RALGPS1: variants seen among roughly 807,000 people sequenced by gnomAD.
RALGPS1 encodes the protein Ral GEF with PH domain and SH3 binding motif 1.
A neutral mutation model predicts 78.8 loss-of-function variants in RALGPS1; 19 were observed. The observed-to-expected ratio is 0.24, with a 90% CI of 0.17 to 0.35. RALGPS1 has a LOEUF of 0.35. Ranked by LOEUF, RALGPS1 falls within the 10% of genes least tolerant of loss-of-function variation. The pLI, the probability that RALGPS1 is intolerant of heterozygous loss-of-function variation, is 1.00. For missense variants in RALGPS1, 454 were observed against 688.3 expected, an observed-to-expected ratio of 0.66 and a Z score of 3.81; for synonymous variants, 228 against 256.3, an observed-to-expected ratio of 0.89 and a Z score of 1.06.
intron 4 of RALGPS1, among the ~76,000 whole-genome samples, chr9:126,982,074 C>T (rs1321158659): frequency 6.6e-6 from 1 of 152,170 alleles, no homozygotes; most frequent in Non-Finnish European, 1.5e-5. Context: ...GTTGACTTCT[C>T]CTAGAATGAG....
In RALGPS1 at chr9:127,086,154, G is replaced by A. The variant is rs118157041; in HGVS notation, c.610+16798G>A. 5.4e-3 allele frequency among the ~76,000 whole-genome samples: 817 copies of A among 152,262 alleles called. 24 individuals carry two copies. The East Asian group carries it at 0.085, about 16-fold the overall frequency. On this transcript the variant is annotated intron_variant, in intron 8 of 18. Transcript: ENST00000259351. ...CACACACGCCTGTTTCTAATCACAT[G>A]GTAGGCTTCAGTGCGTATCAGTGCA...
chr9:126,926,588 G>C (rs990508791), intron 1 of RALGPS1, among the ~76,000 whole-genome samples: 1 of 152,170 alleles, frequency 6.6e-6, no homozygotes, highest in African/African-American at 2.4e-5. Flanking sequence ...AGTTCACAGA[G>C]GGACTTGCAG....
chr9:127,147,686 G>A (rs941464506), intron 8 of RALGPS1, among the ~76,000 whole-genome samples: 22 of 152,200 alleles, frequency 1.4e-4, no homozygotes, highest in African/African-American at 5.1e-4. Flanking sequence ...TCAGATGGTT[G>A]TAGGTGTGCA....
At chr9:126,994,945 A>G (rs1460107068) in intron 4 of RALGPS1, among the ~76,000 whole-genome samples, 2 of 152,206 alleles carry the variant, frequency 1.3e-5, no homozygotes, top group African/African-American at 4.8e-5. Flanking sequence ...TCATAAGTGA[A>G]GGAGAAATAA....
intron 1 of RALGPS1, among the ~76,000 whole-genome samples, chr9:126,920,252 A>C (rs1457385153): frequency 6.6e-6 from 1 of 152,152 alleles, no homozygotes; most frequent in East Asian, 1.9e-4. Context: ...GTCTCTGGTG[A>C]AACCCATTCT....
intron 1 of RALGPS1, among the ~76,000 whole-genome samples, chr9:126,957,365 A>AGCTC (rs3052971): frequency 0.2 from 30,452 of 151,976 alleles, 3,749 homozygotes; most frequent in East Asian, 0.43. Flanking sequence ...GAGCAGTTTG[A>AGCTC]GCTCCATGTC....
chr9:126,940,840 A>G (rs1040846804), intron 1 of RALGPS1, among the ~76,000 whole-genome samples: 6 of 152,222 alleles, frequency 3.9e-5, no homozygotes, highest in Non-Finnish European at 7.3e-5. Flanking sequence ...CGCTGTCTTT[A>G]AATACCCAGC....
intron 11 of RALGPS1, among the ~76,000 whole-genome samples, chr9:127,185,850 G>A (rs113095696): frequency 8.5e-5 from 13 of 152,314 alleles, no homozygotes; most frequent in African/African-American, 2.4e-5. Context: ...AGTTTGTCAC[G>A]TGAAGGAGGG....
At chr9:127,040,170 G>A (rs1564464897) in intron 5 of RALGPS1, among the ~76,000 whole-genome samples, 1 of 152,212 alleles carries the variant, frequency 6.6e-6, no homozygotes, top group East Asian at 1.9e-4. Flanking sequence ...GGAGGCCAAG[G>A]CAGGTGGATC....
intron 1 of RALGPS1, among the ~76,000 whole-genome samples, chr9:126,942,563 T>G (rs1012606744): frequency 1.3e-5 from 2 of 152,236 alleles, no homozygotes; most frequent in Non-Finnish European, 2.9e-5. Context: ...CTGTGTCTTG[T>G]CCTGCAAATC....
chr9:126,989,951 C>T (rs1234088966), intron 4 of RALGPS1: 2 of 1,550,392 alleles, frequency 1.3e-6, no homozygotes, highest in Non-Finnish European at 1.7e-6. Context: ...TCCTCCAGGC[C>T]ACATGACACG....
At chr9:127,138,218 G>C (rs577023072) in intron 8 of RALGPS1, among the ~76,000 whole-genome samples, 5 of 152,336 alleles carry the variant, frequency 3.3e-5, no homozygotes, top group African/African-American at 1.2e-4. Flanking sequence ...GAATCAAAAT[G>C]TTCTCGAATG....
intron 8 of RALGPS1, among the ~76,000 whole-genome samples, chr9:127,165,181 C>T (rs988304186): frequency 1.3e-5 from 2 of 152,222 alleles, no homozygotes; most frequent in Admixed American, 1.3e-4. Context: ...CTTCTCCTGC[C>T]CAACTCTGCC....
intron 4 of RALGPS1, among the ~76,000 whole-genome samples, chr9:127,001,019 A>T (rs1203054627): frequency 1.3e-5 from 2 of 151,746 alleles, no homozygotes; most frequent in African/African-American, 4.8e-5. Flanking sequence ...TCACACCTAT[A>T]ATCCCAACAC....
At chr9:127,046,894 A>G (rs1361867267) in intron 5 of RALGPS1, among the ~76,000 whole-genome samples, 1 of 152,180 alleles carries the variant, frequency 6.6e-6, no homozygotes, top group East Asian at 1.9e-4. Flanking sequence ...GTTAACTGAA[A>G]AAAAGCAAAA....
intron 8 of RALGPS1, among the ~76,000 whole-genome samples, chr9:127,132,390 C>A (rs369498025): frequency 6.6e-6 from 1 of 152,224 alleles, no homozygotes; most frequent in Admixed American, 6.5e-5. Flanking sequence ...GAATTATCTA[C>A]CACCACCACA....
chr9:127,178,304 C>T (rs372823678), intron 11 of RALGPS1: 2 of 366,336 alleles, frequency 5.5e-6, no homozygotes, highest in South Asian at 3.4e-5. Context: ...CAGCCTCCCC[C>T]GAACAGAAGT....
chr9:127,067,265 A>C (rs934299865), intron 7 of RALGPS1, among the ~76,000 whole-genome samples: 1 of 152,170 alleles, frequency 6.6e-6, no homozygotes, highest in Admixed American at 6.5e-5. Flanking sequence ...CCCCACACTG[A>C]GATGTCCTGA....
At chr9:127,039,966 G>A (rs1016553835) in intron 5 of RALGPS1, among the ~76,000 whole-genome samples, 5 of 152,226 alleles carry the variant, frequency 3.3e-5, no homozygotes, top group African/African-American at 4.8e-5. Flanking sequence ...TAGGTAGTAG[G>A]TGGTTTTCTC....
Sources: allele counts gnomAD v4.1 joint callset (sites outside exome capture counted in the v4.1 genomes callset), GRCh38; gene constraint gnomAD v4.1.1; transcripts MANE v1.5; gene names NCBI Gene and HGNC (gene_info 2026-07-23, HGNC 2026-07-21).